ALOX5: variants seen among roughly 807,000 people sequenced by gnomAD.
ALOX5 encodes the protein polyunsaturated fatty acid 5-lipoxygenase.
Under a neutral mutation model 87.9 loss-of-function variants are expected in ALOX5, and 64 were observed. The observed-to-expected ratio is 0.73, with a 90% CI of 0.60 to 0.90. The LOEUF is 0.90. ALOX5 is among the 40% of genes least tolerant of loss of function. The pLI is 0.00. For missense variants in ALOX5, 822 were observed against 907.5 expected, an observed-to-expected ratio of 0.91 and a Z score of 1.21; for synonymous variants, 388 against 355.1, an observed-to-expected ratio of 1.09 and a Z score of -1.04.
intron 6 of ALOX5, among the ~76,000 whole-genome samples, chr10:45,428,107 G>A (rs1002754214): frequency 1.5e-5 from 2 of 137,668 alleles, no homozygotes; most frequent in Admixed American, 7.2e-5. Context: ...TCCCCTGCCC[G>A]TGCAGAATCC....
At chr10:45,443,393 C>A (rs773636671) in intron 10 of ALOX5, 23 bp from the exon 11 acceptor site, 309 of 1,595,602 alleles carry the variant, frequency 1.9e-4, no homozygotes, top group Non-Finnish European at 2.6e-4. Flanking sequence ...GGTCGCCCAC[C>A]CCGGCTGCGC....
At chr10:45,406,947 G>C (rs887385753) in intron 3 of ALOX5, among the ~76,000 whole-genome samples, 3 of 152,104 alleles carry the variant, frequency 2.0e-5, no homozygotes, top group African/African-American at 7.2e-5. Flanking sequence ...TATTATATTT[G>C]CTGTAGTTTT....
In ALOX5 at chr10:45,397,770, G is replaced by T. The variant is rs144366924; in HGVS notation, c.431+1834G>T. 1.3e-4 allele frequency among the ~76,000 whole-genome samples: 20 copies of T among 152,308 alleles called. 1 individual carries two copies. The highest frequency in any genetic ancestry group is 3.4e-3 in the Middle Eastern group (1 of 294). On this transcript the variant is annotated intron_variant, in intron 3 of 13. Transcript: ENST00000374391. ...AGCATCAAAAACAGTAAACATTTAT[G>T]AATAAATTTAACAAAGTAGTCTGAG...
intron 3 of ALOX5, among the ~76,000 whole-genome samples, chr10:45,411,383 A>T (rs1406681705): frequency 6.6e-6 from 1 of 152,196 alleles, no homozygotes; most frequent in Admixed American, 6.5e-5. Flanking sequence ...TATTTTACCC[A>T]GCCCCTATTC....
At chr10:45,389,714 A>G (rs1840139824) in intron 2 of ALOX5, among the ~76,000 whole-genome samples, 3 of 150,854 alleles carry the variant, frequency 2.0e-5, no homozygotes, top group Admixed American at 1.3e-4. Flanking sequence ...GGAAATGAAC[A>G]ACTGGTACCA....
At chr10:45,444,028 T>TG (rs1842346044) in intron 12 of ALOX5, 88 bp from the exon 13 acceptor site, 1 of 1,458,886 alleles carries the variant, frequency 6.9e-7, no homozygotes, top group Non-Finnish European at 9.1e-7. Context: ...CCGCTGGAGT[T>TG]GGGGGGCACG....
intron 4 of ALOX5, among the ~76,000 whole-genome samples, chr10:45,422,733 T>C (rs1363593671): frequency 6.6e-6 from 1 of 152,154 alleles, no homozygotes; most frequent in Admixed American, 6.5e-5. Context: ...ATACACCCCA[T>C]GTGCGCAGTA....
intron 4 of ALOX5, among the ~76,000 whole-genome samples, chr10:45,418,167 C>CG (rs1222330415): frequency 1.3e-5 from 2 of 152,174 alleles, no homozygotes; most frequent in South Asian, 4.2e-4. Flanking sequence ...TTGAGTTCTG[C>CG]GGGGGAGAGA....
intron 4 of ALOX5, 51 bp from the exon 5 acceptor site, chr10:45,423,990 A>G: frequency 7.0e-7 from 1 of 1,437,114 alleles, no homozygotes; most frequent in Non-Finnish European, 9.8e-7. Flanking sequence ...GGGGCTCTGC[A>G]GAGGGAGGCA....
intron 7 of ALOX5, among the ~76,000 whole-genome samples, chr10:45,437,724 C>T (rs539049187): frequency 6.6e-6 from 1 of 152,314 alleles, no homozygotes; most frequent in South Asian, 2.1e-4. Flanking sequence ...ACTGCTTTTA[C>T]CTATTTAGAA....
chr10:45,440,511 G>T lies in ALOX5; in HGVS notation c.1063G>T (p.Val355Leu). ...CGACTGGCTTTTGGCCAAAATCTGG[G>T]TGCGTTCCAGTGACTTCCACGTCCA... ...KYDWLLAKIW[V>L]RSSDFHVHQT... Residue 355 changes from valine to leucine, a missense_variant, in exon 8 of 14, where the codon GTG (valine) becomes TTG (leucine). Transcript: ENST00000374391. The T allele has an allele frequency of 6.2e-7, 1 of 1,614,170 alleles. No individual in the cohort carries two copies. Among genetic ancestry groups the T allele is most frequent in the Non-Finnish European group, 8.5e-7 (1 of 1,180,040 alleles).
chr10:45,415,495 G>T (rs1279280855), intron 4 of ALOX5, among the ~76,000 whole-genome samples: 1 of 152,068 alleles, frequency 6.6e-6, no homozygotes, highest in African/African-American at 2.4e-5. Flanking sequence ...GAGTTAATGG[G>T]TGCAGCACAC....
chr10:45,388,594 C>T (rs1241666214), intron 2 of ALOX5, among the ~76,000 whole-genome samples: 2 of 152,238 alleles, frequency 1.3e-5, no homozygotes, highest in Non-Finnish European at 2.9e-5. Context: ...TGGAGTGGAC[C>T]TCTAGCAAAC....
chr10:45,431,841 G>A (rs1440248650), intron 7 of ALOX5, among the ~76,000 whole-genome samples: 1 of 152,106 alleles, frequency 6.6e-6, no homozygotes, highest in Non-Finnish European at 1.5e-5. Flanking sequence ...CAAAGTGTTG[G>A]CATTACAGGC....
At chr10:45,392,579 G>A (rs972407458) in intron 2 of ALOX5, among the ~76,000 whole-genome samples, 10 of 151,902 alleles carry the variant, frequency 6.6e-5, no homozygotes, top group African/African-American at 1.2e-4. Context: ...GCGGATGGCC[G>A]CAGGGTCCTC....
intron 2 of ALOX5, among the ~76,000 whole-genome samples, chr10:45,391,994 C>T (rs904276038): frequency 1.0e-4 from 15 of 149,728 alleles, no homozygotes; most frequent in East Asian, 6.0e-4. Context: ...AGGTGGGGGG[C>T]GGTCAGCCCC....
Position 45,404,457 on chromosome 10 carries a change from T to C in ALOX5, c.432-7734T>C, listed in dbSNP as rs927133578. On this transcript the variant is annotated intron_variant, in intron 3 of 13. Coordinates refer to ENST00000374391, the MANE Select transcript of ALOX5 (RefSeq NM_000698.5). ...CTTGTGCTCTCCCACTGTGACCACA[T>C]CTGTCTGTGTTACATGCACACTCAC... is the stretch of plus-strand genomic sequence containing the variant. Among the ~76,000 whole-genome samples the C allele has an allele frequency of 3.3e-5, 5 of 152,246 alleles. No homozygotes were observed. The South Asian group carries it at 1.0e-3, about 31-fold the overall frequency.
intron 13 of ALOX5, chr10:45,444,803 T>G (rs1842383898): frequency 6.4e-6 from 1 of 157,270 alleles, no homozygotes; most frequent in African/African-American, 2.4e-5. Context: ...TCACTGGACA[T>G]CCTTGTTTTT....
chr10:45,376,627 C>T (rs959421745), intron 1 of ALOX5, among the ~76,000 whole-genome samples: 6 of 152,116 alleles, frequency 3.9e-5, no homozygotes, highest in Non-Finnish European at 5.9e-5. Context: ...ACAGTAGTAA[C>T]GATAACAATA....
Sources: allele counts gnomAD v4.1 joint callset (sites outside exome capture counted in the v4.1 genomes callset), GRCh38; gene constraint gnomAD v4.1.1; transcripts MANE v1.5; gene names NCBI Gene and HGNC (gene_info 2026-07-23, HGNC 2026-07-21).